The following CNTNAP2 variants were observed in gnomAD, a reference collection of about 807,000 sequenced individuals.
CNTNAP2 encodes the protein contactin associated protein 2, also known as contactin-associated protein-like 2.
A neutral mutation model predicts 155.2 loss-of-function variants in CNTNAP2; 98 were observed. That is an observed-to-expected ratio of 0.63 (90% CI 0.54 to 0.75). The LOEUF (loss-of-function observed/expected upper bound fraction) is 0.75, where lower values mean the gene tolerates loss of function less well. Among genes scored for constraint, CNTNAP2 ranks in the 30% least tolerant of loss-of-function variants. The probability of loss-of-function intolerance (pLI) is 0.00; values close to 1 mark genes in which losing one functional copy is unlikely to be tolerated. For missense variants in CNTNAP2, 1,727 were observed against 1,688.1 expected (o/e 1.02, Z -0.40); for synonymous variants, 651 against 631.2 (o/e 1.03, Z -0.47).
In CNTNAP2 at chr7:148,002,564, T is replaced by TA. The variant is rs200455511; in HGVS notation, c.2383+24581dup. 4.6e-5 allele frequency among the ~76,000 whole-genome samples: 7 copies of TA among 152,190 alleles called. No individual in the cohort carries two copies. In the East Asian group the frequency reaches 5.8e-4, roughly 13 times the overall value. On this transcript the variant is annotated intron_variant, in intron 15 of 23. Transcript: ENST00000361727. The stretch of plus-strand genomic sequence containing the variant: ...TATAATGCTAATTAATTATTTCTCT[T>TA]AAAAAATACTCTAGTTAGCCTGTAA...
At chr7:146,245,508 C>G (rs924191267) in intron 1 of CNTNAP2, among the ~76,000 whole-genome samples, 3 of 151,964 alleles carry the variant, frequency 2.0e-5, no homozygotes, top group South Asian at 2.1e-4. Context: ...CAGTAAGATC[C>G]AGTTGTTTGC....
At chr7:147,689,628 G>A (rs75599676) in intron 13 of CNTNAP2, among the ~76,000 whole-genome samples, 1 of 151,998 alleles carries the variant, frequency 6.6e-6, no homozygotes, top group Non-Finnish European at 1.5e-5. Context: ...AATATACTTT[G>A]TGCTAAACAT....
chr7:147,601,299 C>T (rs6464831), intron 12 of CNTNAP2, among the ~76,000 whole-genome samples: 102,284 of 151,430 alleles, frequency 0.68, 34,929 homozygotes, highest in African/African-American at 0.75. Flanking sequence ...CTGAAAAGAG[C>T]CAGCAAAGGG....
chr7:146,412,450 T>C (rs2129111375), intron 1 of CNTNAP2, among the ~76,000 whole-genome samples: 1 of 152,282 alleles, frequency 6.6e-6, no homozygotes, highest in Middle Eastern at 3.4e-3. Context: ...ATTAATTTAG[T>C]CAAATCAGGT....
chr7:146,767,354 G>A (rs181967718), intron 1 of CNTNAP2, among the ~76,000 whole-genome samples: 2 of 152,272 alleles, frequency 1.3e-5, no homozygotes, highest in East Asian at 1.9e-4. Context: ...AGATCAGTAA[G>A]TGAAAAGGTA....
intron 13 of CNTNAP2, among the ~76,000 whole-genome samples, chr7:147,891,034 G>C (rs1799682038): frequency 6.6e-6 from 1 of 152,136 alleles, no homozygotes; most frequent in Admixed American, 6.5e-5. Flanking sequence ...CATGTTGTAT[G>C]TGTTAAATGT....
chr7:147,916,596 A>G (rs866593238), intron 14 of CNTNAP2, among the ~76,000 whole-genome samples: 6 of 16,782 alleles, frequency 3.6e-4, no homozygotes, highest in Non-Finnish European at 5.3e-4. Context: ...TTTCTGAAAA[A>G]AAAAAAAAAA....
chr7:147,221,185 T>C (rs1270041884), intron 8 of CNTNAP2, among the ~76,000 whole-genome samples: 1 of 152,192 alleles, frequency 6.6e-6, no homozygotes, highest in Non-Finnish European at 1.5e-5. Context: ...ATCATTAATG[T>C]CATTCATTTT....
In CNTNAP2 at chr7:146,391,746, G is replaced by A. The variant is rs536708345; in HGVS notation, c.97+274773G>A. On this transcript the variant is annotated intron_variant, in intron 1 of 23. Coordinates refer to ENST00000361727, the MANE Select transcript of CNTNAP2 (RefSeq NM_014141.6). ...CCATCTATTTCCCTGCAAAGAACAC[G>A]GTTTTTGTTGTTGTTGTTGTTGTTG... is the stretch of plus-strand genomic sequence containing the variant. Among the ~76,000 whole-genome samples, 13 of 147,230 alleles carry A rather than the reference G, an allele frequency of 8.8e-5. No homozygotes were observed. The South Asian group carries it at 1.9e-3, about 21-fold the overall frequency.
chr7:146,860,456 G>C (rs1312685284), intron 3 of CNTNAP2, among the ~76,000 whole-genome samples: 3 of 152,134 alleles, frequency 2.0e-5, no homozygotes, highest in African/African-American at 7.2e-5. Context: ...CATTGACAGA[G>C]ATCCTGCTAT....
intron 9 of CNTNAP2, 136 bp from the exon 10 acceptor site, chr7:147,395,473 C>T: frequency 1.2e-6 from 1 of 858,504 alleles, no homozygotes; most frequent in South Asian, 1.5e-5. Flanking sequence ...TTTTTCTACA[C>T]TGAATATAAC....
intron 1 of CNTNAP2, among the ~76,000 whole-genome samples, chr7:146,318,841 A>G (rs182714952): frequency 5.3e-5 from 8 of 152,322 alleles, no homozygotes; most frequent in Non-Finnish European, 7.4e-5. Flanking sequence ...GAAATGTTAT[A>G]TATAATAATC....
At chr7:148,027,658 A>G (rs913973192) in intron 15 of CNTNAP2, among the ~76,000 whole-genome samples, 3 of 152,246 alleles carry the variant, frequency 2.0e-5, no homozygotes, top group Non-Finnish European at 4.4e-5. Flanking sequence ...CTGTACTTTT[A>G]ACAATCATAC....
At chr7:146,135,694 T>C (rs1268695676) in intron 1 of CNTNAP2, among the ~76,000 whole-genome samples, 1 of 152,128 alleles carries the variant, frequency 6.6e-6, no homozygotes, top group Non-Finnish European at 1.5e-5. Flanking sequence ...TAAAACTGAA[T>C]CTTAGAAAGT....
chr7:146,934,857 G>A (rs1327517414), intron 3 of CNTNAP2, among the ~76,000 whole-genome samples: 3 of 152,156 alleles, frequency 2.0e-5, no homozygotes, highest in Non-Finnish European at 4.4e-5. Flanking sequence ...AGAGATCACC[G>A]TGCTGTGGAC....
chr7:147,720,794 A>C (rs187367620), intron 13 of CNTNAP2, among the ~76,000 whole-genome samples: 1 of 152,182 alleles, frequency 6.6e-6, no homozygotes, highest in African/African-American at 2.4e-5. Context: ...ACTGTGAGTT[A>C]GTTAAACCTC....
At chr7:147,593,753 G>A (rs1191316377) in intron 12 of CNTNAP2, among the ~76,000 whole-genome samples, 1 of 152,190 alleles carries the variant, frequency 6.6e-6, no homozygotes, top group Non-Finnish European at 1.5e-5. Flanking sequence ...AGCTTTTGAA[G>A]AAGACAACTT....
chr7:146,463,287 C>A (rs189855372), intron 1 of CNTNAP2, among the ~76,000 whole-genome samples: 1 of 152,106 alleles, frequency 6.6e-6, no homozygotes, highest in Non-Finnish European at 1.5e-5. Context: ...ATTATGTGTA[C>A]TGTTGCCATG....
intron 2 of CNTNAP2, among the ~76,000 whole-genome samples, chr7:146,779,154 A>G (rs1802439613): frequency 1.3e-5 from 2 of 152,088 alleles, no homozygotes; most frequent in South Asian, 4.1e-4. Flanking sequence ...TTAACCTCTG[A>G]CTGAACTTCA....
Sources: allele counts gnomAD v4.1 joint callset (sites outside exome capture counted in the v4.1 genomes callset), GRCh38; gene constraint gnomAD v4.1.1; transcripts MANE v1.5; gene names NCBI Gene and HGNC (gene_info 2026-07-23, HGNC 2026-07-21).